PRKG1: variants seen among roughly 807,000 people sequenced by gnomAD.
PRKG1 encodes protein kinase cGMP-dependent 1, also known as cGMP-dependent protein kinase 1.
Under a neutral mutation model 88.1 loss-of-function variants are expected in PRKG1, and 35 were observed. The observed-to-expected ratio is 0.40, with a 90% CI of 0.30 to 0.53. The LOEUF (loss-of-function observed/expected upper bound fraction) is 0.53, where lower values mean the gene tolerates loss of function less well. PRKG1 is among the 20% of genes least tolerant of loss of function. The probability of loss-of-function intolerance (pLI) is 0.59; values close to 1 mark genes in which losing one functional copy is unlikely to be tolerated. For synonymous variants in PRKG1, 303 were observed against 292.5 expected (o/e 1.04, Z -0.37); for missense variants, 540 against 839.8 (o/e 0.64, Z 4.41).
chr10:52,271,521 C>G, intron 11 of PRKG1, 32 bp downstream of exon 11: 1 of 1,597,966 alleles, frequency 6.3e-7, no homozygotes, highest in Non-Finnish European at 8.5e-7. Context: ...CAGACGTACC[C>G]AACTCCAAGT....
At chr10:52,068,369 C>T (rs920864649) in intron 7 of PRKG1, among the ~76,000 whole-genome samples, 5 of 152,116 alleles carry the variant, frequency 3.3e-5, no homozygotes, top group Non-Finnish European at 5.9e-5. Context: ...GGATTAAGCT[C>T]CCAGTAGCCA....
rs192969858 is a variant in PRKG1, at chr10:51,160,987, C to T, written c.478+7657C>T. Among the ~76,000 whole-genome samples the T allele has an allele frequency of 3.5e-3, 525 of 151,956 alleles. 4 individuals carry two copies. Among genetic ancestry groups the T allele is most frequent in the South Asian group, 2.7e-3 (13 of 4,810 alleles). On this transcript the variant is annotated intron_variant, in intron 2 of 17. Transcript: ENST00000373980. ...CTTAGATTATCTTTACATTGATAAT[C>T]GAAAGAGTAATTGTCCTTTTCAAAG...
intron 10 of PRKG1, among the ~76,000 whole-genome samples, chr10:52,264,784 C>T (rs1173651339): frequency 6.6e-6 from 1 of 152,004 alleles, no homozygotes; most frequent in East Asian, 1.9e-4. Context: ...AGTGTGTGTT[C>T]TTTGAAAGTT....
rs117325165 is a variant in PRKG1 at position 52,120,966 on chromosome 10, T to C, written c.936-12874T>C. Among the ~76,000 whole-genome samples, 927 of 152,304 alleles carry C rather than the reference T, an allele frequency of 6.1e-3. 3 individuals are homozygous for C. The highest frequency in any genetic ancestry group is 0.012 in the South Asian group (60 of 4,824). ...TGTGAAATCTTGGTGGAGGCTACCGTGGCCCCATAACTTGCAAACTATGTG... is the reference window on the plus strand; with the variant it reads ...TGTGAAATCTTGGTGGAGGCTACCGCGGCCCCATAACTTGCAAACTATGTG... On this transcript the variant is annotated intron_variant, in intron 7 of 17. Coordinates refer to ENST00000373980, the MANE Select transcript of PRKG1 (RefSeq NM_006258.4).
At chr10:51,690,926 CAAAAAAAAAAAAAAAAA>C (rs942329676) in intron 3 of PRKG1, among the ~76,000 whole-genome samples, 3 of 37,726 alleles carry the variant, frequency 8.0e-5, no homozygotes, top group African/African-American at 2.4e-4. Context: ...GACTCTGTCT[CAAAAAAAAAAAAAAAAA>C]AAAAAAAAGA....
At chr10:51,876,717 A>G (rs1246672126) in intron 4 of PRKG1, among the ~76,000 whole-genome samples, 2 of 152,168 alleles carry the variant, frequency 1.3e-5, no homozygotes, top group Admixed American at 6.5e-5. Context: ...CCACCAGAGC[A>G]TGGTTTGTGC....
At chr10:52,170,470 G>T (rs1242907725) in intron 9 of PRKG1, among the ~76,000 whole-genome samples, 2 of 152,148 alleles carry the variant, frequency 1.3e-5, no homozygotes, top group East Asian at 3.9e-4. Flanking sequence ...GCACTGACAA[G>T]AGAGAGATGC....
At position 51,548,759 on chromosome 10, in the gene PRKG1, A is replaced by T. The variant is rs192260740; in HGVS notation, c.592+80923A>T. Among the ~76,000 whole-genome samples the T allele has an allele frequency of 1.5e-3, 221 of 152,226 alleles. 3 individuals are homozygous for T. Among genetic ancestry groups the T allele is most frequent in the Non-Finnish European group, 1.1e-3 (76 of 68,006 alleles). The stretch of plus-strand genomic sequence containing the variant: ...GTATACTGGCCTTAGACTGATTTTA[A>T]CACAATTTCAAAACTTGGTGTTCAG... On this transcript the variant is annotated intron_variant, in intron 3 of 17. Coordinates refer to ENST00000373980, the MANE Select transcript of PRKG1 (RefSeq NM_006258.4).
chr10:52,152,102 A>G (rs1370126370), intron 8 of PRKG1, among the ~76,000 whole-genome samples: 1 of 152,194 alleles, frequency 6.6e-6, no homozygotes, highest in Admixed American at 6.5e-5. Flanking sequence ...AGACATACAG[A>G]GGACTTTTAA....
At chr10:52,166,793 A>G (rs867626857) in intron 9 of PRKG1, among the ~76,000 whole-genome samples, 349 of 8,378 alleles carry the variant, frequency 0.042, 9 homozygotes, top group Middle Eastern at 0.12. Flanking sequence ...AAGCCTATAT[A>G]TATACATATA....
chr10:52,058,423 T>A (rs183123739), intron 6 of PRKG1, among the ~76,000 whole-genome samples: 10 of 152,154 alleles, frequency 6.6e-5, no homozygotes, highest in Admixed American at 6.5e-4. Flanking sequence ...AAGTATAACA[T>A]CCATTCATAA....
At chr10:51,225,203 G>A (rs982388381) in intron 2 of PRKG1, among the ~76,000 whole-genome samples, 1 of 152,166 alleles carries the variant, frequency 6.6e-6, no homozygotes, top group East Asian at 1.9e-4. Flanking sequence ...TTTCACATAC[G>A]TGTTGCCTCC....
At chr10:52,074,904 A>G (rs1192063196) in intron 7 of PRKG1, among the ~76,000 whole-genome samples, 1 of 152,216 alleles carries the variant, frequency 6.6e-6, no homozygotes, top group Non-Finnish European at 1.5e-5. Context: ...TGTATTTGGC[A>G]TTGCATGGTT....
At chr10:51,110,546 G>A (rs1715544802) in intron 1 of PRKG1, among the ~76,000 whole-genome samples, 1 of 152,034 alleles carries the variant, frequency 6.6e-6, no homozygotes, top group East Asian at 1.9e-4. Context: ...AGGAATGAGT[G>A]GAAGAGGCTA....
chr10:52,197,972 C>T (rs755662262), intron 9 of PRKG1, among the ~76,000 whole-genome samples: 5 of 152,152 alleles, frequency 3.3e-5, no homozygotes, highest in Non-Finnish European at 7.4e-5. Context: ...AGGAATGTCT[C>T]AGAGCTCCCT....
At chr10:51,274,571 A>C (rs779800709) in intron 2 of PRKG1, among the ~76,000 whole-genome samples, 11 of 152,320 alleles carry the variant, frequency 7.2e-5, no homozygotes, top group Middle Eastern at 3.4e-3. Context: ...TGCTAGCTCC[A>C]ATAGGGCATA....
chr10:51,746,494 G>A (rs1219731858), intron 3 of PRKG1, among the ~76,000 whole-genome samples: 1 of 151,948 alleles, frequency 6.6e-6, no homozygotes, highest in African/African-American at 2.4e-5. Context: ...GGCCGAGGCG[G>A]GCAGATTGCT....
intron 3 of PRKG1, chr10:51,699,532 C>A: frequency 6.2e-7 from 1 of 1,610,646 alleles, no homozygotes; most frequent in Non-Finnish European, 8.5e-7. Context: ...CCGGGTCTCT[C>A]ACCGCCAAAC....
chr10:51,728,663 G>A (rs984327826), intron 3 of PRKG1, among the ~76,000 whole-genome samples: 7 of 152,004 alleles, frequency 4.6e-5, no homozygotes, highest in Admixed American at 3.3e-4. Context: ...TGTTATATAA[G>A]TATCAGCTAT....
Sources: allele counts gnomAD v4.1 joint callset (sites outside exome capture counted in the v4.1 genomes callset), GRCh38; gene constraint gnomAD v4.1.1; transcripts MANE v1.5; gene names NCBI Gene and HGNC (gene_info 2026-07-23, HGNC 2026-07-21).